Variants in ARNT observed in about 807,000 individuals in gnomAD.
The protein encoded by ARNT is aryl hydrocarbon receptor nuclear translocator, also known as class E basic helix-loop-helix protein 2.
A neutral mutation model predicts 105.0 loss-of-function variants in ARNT; 30 were observed. That is an observed-to-expected ratio of 0.29 (90% CI 0.21 to 0.39). ARNT has a LOEUF of 0.39. ARNT is among the 10% of genes least tolerant of loss of function. The probability of loss-of-function intolerance (pLI) is 1.00; values close to 1 mark genes in which losing one functional copy is unlikely to be tolerated. For missense variants in ARNT, 748 were observed against 978.7 expected (o/e 0.76, Z 3.15); for synonymous variants, 304 against 344.0 (o/e 0.88, Z 1.29).
chr1:150,840,007 G>C (rs587704571), intron 5 of ARNT, among the ~76,000 whole-genome samples: 33 of 152,288 alleles, frequency 2.2e-4, no homozygotes, highest in African/African-American at 7.7e-4. Context: ...TTGGGAGATG[G>C]AGGCAGGTGG....
intron 2 of ARNT, among the ~76,000 whole-genome samples, chr1:150,857,009 C>T (rs1166951822): frequency 6.6e-6 from 1 of 151,096 alleles, no homozygotes; most frequent in Non-Finnish European, 1.5e-5. Flanking sequence ...TTCTGATTAC[C>T]AATCATACAT....
chr1:150,859,471 T>A (rs1313265161), intron 1 of ARNT, among the ~76,000 whole-genome samples: 2 of 151,624 alleles, frequency 1.3e-5, no homozygotes. Context: ...CTCAGCTTCC[T>A]AAGTAGCTGG....
At chr1:150,852,344 G>T (rs751614572) in intron 3 of ARNT, among the ~76,000 whole-genome samples, 1 of 152,136 alleles carries the variant, frequency 6.6e-6, no homozygotes, top group Non-Finnish European at 1.5e-5. Context: ...ATTCAGTCTG[G>T]CCTCCTTGAG....
At position 150,817,126 on chromosome 1, in the gene ARNT, T is replaced by A. The variant is rs762213698; in HGVS notation, c.1655A>T (p.Asp552Val). 9.3e-6 allele frequency: 15 copies of A among 1,614,198 alleles called. No homozygotes were observed. In the South Asian group the frequency reaches 1.6e-4, roughly 18 times the overall value. The change falls in exon 17 of 22, where the codon GAT (aspartate) becomes GTT (valine). Residue 552 changes from aspartate to valine, a missense_variant. Coordinates refer to ENST00000358595, the MANE Select transcript of ARNT (RefSeq NM_001668.4). ...LEKSDGLFAQ[D>V]RDPRFSEIYH... ...GATTTCTGAAAATCTTGGATCTCTA[T>A]CCTGGGCAAATAAACCATCTGACTT...
At chr1:150,834,673 C>G in intron 7 of ARNT, 33 bp from the exon 8 acceptor site, 1 of 1,591,990 alleles carries the variant, frequency 6.3e-7, no homozygotes, top group Non-Finnish European at 8.6e-7. Context: ...GTCTGGAGTG[C>G]ATTTTTGTGT....
At chr1:150,825,409 A>G (rs1434347494) in intron 13 of ARNT, among the ~76,000 whole-genome samples, 1 of 152,218 alleles carries the variant, frequency 6.6e-6, no homozygotes, top group Non-Finnish European at 1.5e-5. Flanking sequence ...AGACTTAAAG[A>G]GGTTAATTAA....
intron 5 of ARNT, among the ~76,000 whole-genome samples, chr1:150,841,274 T>C (rs1379969195): frequency 6.6e-6 from 1 of 151,916 alleles, no homozygotes; most frequent in South Asian, 2.1e-4. Flanking sequence ...TATTTATTTC[T>C]GTTACCACTT....
rs151224442 is a variant in ARNT, at chr1:150,814,144, A to G, written c.2046T>C (p.Pro682=). The G allele has an allele frequency of 1.5e-4, 242 of 1,614,192 alleles. 4 individuals carry two copies. The South Asian group carries it at 2.5e-3, about 17-fold the overall frequency. Residue 682 remains proline, a synonymous_variant, in exon 20 of 22, where the codon CCT becomes CCC. Transcript: ENST00000358595. ...CACCAGGCGATGCAGTTGGGGCACC[A>G]GGGAGGGACATGGAGCTGAAGGAGG... ...TPSSFSSMSL[P]GAPTASPGAA... is the part of the protein sequence containing the mutation.
intron 3 of ARNT, among the ~76,000 whole-genome samples, chr1:150,847,747 G>A (rs587632900): frequency 1.3e-5 from 2 of 152,154 alleles, no homozygotes; most frequent in South Asian, 4.1e-4. Context: ...CAATAAAGCT[G>A]TTTGAAAAAG....
intron 1 of ARNT, among the ~76,000 whole-genome samples, chr1:150,873,316 C>A (rs201515890): frequency 1.3e-4 from 18 of 141,340 alleles, no homozygotes; most frequent in East Asian, 4.1e-4. Flanking sequence ...AAAAAAAAAA[C>A]AAAACAAAAC....
chr1:150,852,033 A>G (rs1378287786), intron 3 of ARNT, among the ~76,000 whole-genome samples: 1 of 144,202 alleles, frequency 6.9e-6, no homozygotes, highest in Non-Finnish European at 1.5e-5. Context: ...ACAGAGCAAG[A>G]CTCCGTCTCA....
At chr1:150,823,673 C>T (rs888117781) in intron 13 of ARNT, among the ~76,000 whole-genome samples, 1 of 151,948 alleles carries the variant, frequency 6.6e-6, no homozygotes, top group Admixed American at 6.6e-5. Flanking sequence ...GCCTCAGCCT[C>T]CCGAGTGGCT....
rs753839987 is a variant in ARNT, at chr1:150,817,192, G to A, written c.1589C>T (p.Pro530Leu). The stretch of plus-strand genomic sequence containing the variant: ...GTGTTCTGGTCCTGTGGTTGTCACA[G>A]GCTGAACCACCTGTGGAATACAATG... The part of the protein sequence containing the change: ...ASYNHSQVVQ[P>L]VTTTGPEHSK... Residue 530 changes from proline (P) to leucine (L), a missense_variant, in exon 17 of 22, where the codon CCT becomes CTT. Physicochemically the swap from Pro to Leu is moderately conservative, Grantham distance 98. Transcript: ENST00000358595. 2 of 1,614,124 alleles carry A rather than the reference G, an allele frequency of 1.2e-6. No homozygotes were observed. Among genetic ancestry groups the A allele is most frequent in the Non-Finnish European group, 1.7e-6 (2 of 1,180,046 alleles).
intron 5 of ARNT, among the ~76,000 whole-genome samples, chr1:150,841,716 C>A (rs1661336140): frequency 6.6e-6 from 1 of 152,146 alleles, no homozygotes; most frequent in Non-Finnish European, 1.5e-5. Flanking sequence ...CTAGAGTCTC[C>A]TTTCTAAATG....
intron 3 of ARNT, among the ~76,000 whole-genome samples, chr1:150,848,464 A>G (rs1034196131): frequency 2.0e-5 from 3 of 152,200 alleles, no homozygotes; most frequent in African/African-American, 7.2e-5. Flanking sequence ...TCAAAAAAAA[A>G]AAAAGGAGTT....
intron 14 of ARNT, among the ~76,000 whole-genome samples, chr1:150,820,540 C>T (rs1656829722): frequency 6.6e-6 from 1 of 152,014 alleles, no homozygotes; most frequent in Non-Finnish European, 1.5e-5. Flanking sequence ...GTCTGTAGTC[C>T]CAGCTACTCA....
intron 2 of ARNT, among the ~76,000 whole-genome samples, chr1:150,855,847 A>G (rs1031534585): frequency 5.3e-4 from 81 of 151,472 alleles, no homozygotes; most frequent in African/African-American, 1.9e-3. Context: ...TGAGGCTACA[A>G]TGAGCCATGA....
chr1:150,818,796 T>A (rs1369297188), intron 14 of ARNT, among the ~76,000 whole-genome samples: 1 of 152,012 alleles, frequency 6.6e-6, no homozygotes, highest in African/African-American at 2.4e-5. Context: ...TTAAAATTAA[T>A]CATGGTAGGG....
chr1:150,816,774 T>C lies in ARNT; in HGVS notation c.1802+14A>G, dbSNP rs776544480. On this transcript the variant is annotated intron_variant, in intron 18 of 21. Transcript: ENST00000358595. ...TCAGGGCCCTGTAAAGCAGCACATATATACGGGGCTCACCTGAAATTCTCT... is the reference window on the plus strand; with the variant it reads ...TCAGGGCCCTGTAAAGCAGCACATACATACGGGGCTCACCTGAAATTCTCT... 27 of 1,570,456 alleles carry C rather than the reference T, an allele frequency of 1.7e-5. No individual in the cohort carries two copies. Among genetic ancestry groups the C allele is most frequent in the Non-Finnish European group, 2.1e-5 (25 of 1,167,010 alleles).
Sources: gnomAD v4.1 joint callset for allele counts (sites outside exome capture counted in the v4.1 genomes callset) on GRCh38, gnomAD v4.1.1 for gene constraint, MANE v1.5 for transcripts, NCBI Gene and HGNC (gene_info 2026-07-23, HGNC 2026-07-21) for gene names.